Variants in CYB561D2 observed in about 807,000 individuals in gnomAD.
CYB561D2 encodes transmembrane reductase CYB561D2.
Under a neutral mutation model 20.2 loss-of-function variants are expected in CYB561D2, and 16 were observed. That is an observed-to-expected ratio of 0.79 (90% confidence interval 0.53 to 1.20). CYB561D2 has a LOEUF of 1.20. CYB561D2 is among the 50% of genes most tolerant of loss of function. CYB561D2 has a pLI of 0.00. For missense variants in CYB561D2, 247 were observed against 270.3 expected, an observed-to-expected ratio of 0.91 and a Z score of 0.60; for synonymous variants, 135 against 128.3, an observed-to-expected ratio of 1.05 and a Z score of -0.35.
At chr3:50,352,855 G>C (rs182720122) in intron 3 of CYB561D2, among the ~76,000 whole-genome samples, 1 of 152,254 alleles carries the variant, frequency 6.6e-6, no homozygotes, top group African/African-American at 2.4e-5. Flanking sequence ...TTAATTTCTG[G>C]TGATGCACCT....
chr3:50,351,393 G>T lies in CYB561D2; in HGVS notation c.-25-16G>T. On this transcript the variant is annotated splice_polypyrimidine_tract_variant and intron_variant, in intron 1 of 3. Coordinates refer to ENST00000425346, the MANE Select transcript of CYB561D2 (RefSeq NM_001291284.2). ...GTGGGCACCTGAGATCCTGGCCCAC[G>T]CTACTATGCTTTCAGGCTACAACCA... The T allele has an allele frequency of 6.3e-7, 1 of 1,598,868 alleles. No homozygotes were observed. The highest frequency in any genetic ancestry group is 8.6e-7 in the Non-Finnish European group (1 of 1,169,424).
intron 3 of CYB561D2, among the ~76,000 whole-genome samples, chr3:50,352,954 C>A (rs1703806500): frequency 6.6e-6 from 1 of 152,328 alleles, no homozygotes; most frequent in Middle Eastern, 3.4e-3. Context: ...GCTTGTGAAT[C>A]ATTTATAACT....
chr3:50,352,108 C>T, intron 3 of CYB561D2, 62 bp downstream of exon 3: 1 of 1,571,124 alleles, frequency 6.4e-7, no homozygotes, highest in Non-Finnish European at 8.8e-7. Flanking sequence ...GTGGCCCTGG[C>T]AGCCTCTGAA....
In CYB561D2 at chr3:50,353,310, C is replaced by G; in HGVS notation, c.235C>G (p.Arg79Gly). Residue 79 changes from arginine (R) to glycine (G), a missense_variant, in exon 4 of 4, where the codon CGG becomes GGG. Physicochemically the swap from Arg to Gly is moderately radical, Grantham distance 125. Coordinates refer to ENST00000425346, the MANE Select transcript of CYB561D2 (RefSeq NM_001291284.2). ...GAGTTCGCTGCTGCACTCCCTCTCA[C>G]GGAAAGGCCGAGCACGCTGCCACTG... The part of the protein sequence containing the change: ...PESSLLHSLS[R>G]KGRARCHWVL... 1 of 1,605,046 alleles carries G rather than the reference C, an allele frequency of 6.2e-7. No homozygotes were observed. Among genetic ancestry groups the G allele is most frequent in the South Asian group, 1.1e-5 (1 of 90,752 alleles).
chr3:50,351,703 T>C (rs1703768362), intron 2 of CYB561D2, 143 bp downstream of exon 2: 9 of 1,241,064 alleles, frequency 7.3e-6, no homozygotes, highest in South Asian at 6.0e-5. Flanking sequence ...CAGGTAGGTA[T>C]GGCCAGGGCA....
intron 1 of CYB561D2, 94 bp downstream of exon 1, chr3:50,351,078 A>G (rs1575564601): frequency 2.1e-6 from 1 of 465,226 alleles, no homozygotes; most frequent in East Asian, 4.8e-5. Context: ...GCAGCAGGGA[A>G]CTACAATTTC....
rs376667826 is a variant in CYB561D2 at position 50,353,359 on chromosome 3, T to C, written c.284T>C (p.Leu95Pro). The change falls in exon 4 of 4, where the codon CTG (leucine) becomes CCG (proline). Residue 95 changes from leucine (L) to proline (P), a missense_variant. Transcript: ENST00000425346. Reference sequence around the variant, plus strand: ...TGGGTGCTGCAGCTGCTGGCCCTGCTGTGTGCACTGCTGGGCCTCGGCCTT... The same window carrying C: ...TGGGTGCTGCAGCTGCTGGCCCTGCCGTGTGCACTGCTGGGCCTCGGCCTT... ...CHWVLQLLAL[L>P]CALLGLGLVI... The C allele has an allele frequency of 1.5e-5, 25 of 1,613,472 alleles. No individual in the cohort carries two copies. The African/African-American group carries it at 1.6e-4, about 10-fold the overall frequency.
chr3:50,353,068 C>T (rs1466529065), intron 3 of CYB561D2, among the ~76,000 whole-genome samples, 173 bp from the exon 4 acceptor site: 1 of 152,172 alleles, frequency 6.6e-6, no homozygotes, highest in Non-Finnish European at 1.5e-5. Context: ...CATATATCAT[C>T]CCAGATGGGG....
At position 50,353,956 on chromosome 3, in the gene CYB561D2, C is replaced by G. The variant is rs1431768586; in HGVS notation, c.*212C>G. ...TGTCATCCCAGAGGAACATAGGCAT[C>G]ATGTGTCTGGATGAAGCTGGGGCTG... is the stretch of plus-strand genomic sequence containing the variant. On this transcript the variant is annotated 3_prime_UTR_variant, in exon 4 of 4. Transcript: ENST00000425346. The G allele has an allele frequency of 5.2e-6, 3 of 579,432 alleles. No individual in the cohort carries two copies. Among genetic ancestry groups the G allele is most frequent in the Non-Finnish European group, 9.0e-6 (3 of 334,400 alleles). 35.9% of individuals were successfully genotyped at this position (579,432 alleles called of 1,614,324 possible).
intron 2 of CYB561D2, among the ~76,000 whole-genome samples, chr3:50,351,780 G>A (rs180977103): frequency 2.5e-4 from 38 of 152,356 alleles, no homozygotes; most frequent in African/African-American, 9.1e-4. Flanking sequence ...GGAGGTGTAA[G>A]GGAAGGAGGG....
At chr3:50,351,965 T>A (rs771708334) in intron 2 of CYB561D2, 44 bp from the exon 3 acceptor site, 2 of 1,611,868 alleles carry the variant, frequency 1.2e-6, no homozygotes. Context: ...TATGGCTGGT[T>A]TCTTCTTGCC....
chr3:50,352,251 G>A (rs1703784124), intron 3 of CYB561D2, among the ~76,000 whole-genome samples: 1 of 152,008 alleles, frequency 6.6e-6, no homozygotes. Flanking sequence ...GGCCGAGGCG[G>A]GCACATCACC....
chr3:50,351,566 T>G lies in CYB561D2; in HGVS notation c.127+6T>G. The G allele has an allele frequency of 6.2e-7, 1 of 1,610,782 alleles. No homozygotes were observed. The highest frequency in any genetic ancestry group is 8.5e-7 in the Non-Finnish European group (1 of 1,178,154). On this transcript the variant is annotated splice_donor_region_variant and intron_variant, in intron 2 of 3. Coordinates refer to ENST00000425346, the MANE Select transcript of CYB561D2 (RefSeq NM_001291284.2). ...GCTTGCCAGGCCTGGCTCCAGTAAGTAGAATTCATAGCTGACTTCTGGGAA... is the reference window on the plus strand; with the variant it reads ...GCTTGCCAGGCCTGGCTCCAGTAAGGAGAATTCATAGCTGACTTCTGGGAA...
rs762536149 is a variant in CYB561D2 at position 50,352,015 on chromosome 3, TCTC to T, written c.137_139del (p.Ser46del). On this transcript the variant is annotated inframe_deletion, in exon 3 of 4. Coordinates refer to ENST00000425346, the MANE Select transcript of CYB561D2 (RefSeq NM_001291284.2). ...CCTCCTCTTCTCATTCCAGGCCTGT[TCTC>T]CTGGCACCCGGTGCTTATGTCTTTG... 6.2e-7 allele frequency: 1 copy of T among 1,613,946 alleles called. No homozygotes were observed. The highest frequency in any genetic ancestry group is 8.5e-7 in the Non-Finnish European group (1 of 1,179,942).
chr3:50,351,676 C>G, intron 2 of CYB561D2, 116 bp downstream of exon 2: 1 of 1,427,226 alleles, frequency 7.0e-7, no homozygotes, highest in South Asian at 1.3e-5. Context: ...TGTGCTGGAG[C>G]GATGAGTGAG....
intron 3 of CYB561D2, 122 bp from the exon 4 acceptor site, chr3:50,353,119 G>C: frequency 2.9e-6 from 4 of 1,381,716 alleles, no homozygotes; most frequent in Non-Finnish European, 3.9e-6. Flanking sequence ...TCTTGTCAGT[G>C]GGGAGAGAAA....
rs587625017 is a variant in CYB561D2 at position 50,353,478 on chromosome 3, T to C, written c.403T>C (p.Cys135Arg). Reference sequence around the variant, plus strand: ...GGCTGTGCTGTGGGCAGGGCTGCAGTGCTCAGGTGGGGTGGGGCTGCTCTA... The same window carrying C: ...GGCTGTGCTGTGGGCAGGGCTGCAGCGCTCAGGTGGGGTGGGGCTGCTCTA... The part of the protein sequence containing the change: ...LLAVLWAGLQ[C>R]SGGVGLLYPK... Residue 135 changes from cysteine to arginine, a missense_variant, in exon 4 of 4, where the codon TGC (cysteine) becomes CGC (arginine). By Grantham distance (180) the Cys-to-Arg change is radical. Transcript: ENST00000425346. 1 of 1,613,028 alleles carries C rather than the reference T, an allele frequency of 6.2e-7. No homozygotes were observed. The highest frequency in any genetic ancestry group is 2.2e-5 in the East Asian group (1 of 44,878).
intron 3 of CYB561D2, 142 bp downstream of exon 3, chr3:50,352,188 T>G: frequency 9.3e-7 from 1 of 1,072,662 alleles, no homozygotes. Flanking sequence ...TGGTATATAT[T>G]TCAGACTTGA....
In CYB561D2 at chr3:50,353,485, G is replaced by A; in HGVS notation, c.410G>A (p.Gly137Asp). Residue 137 changes from glycine to aspartate, a missense_variant, in exon 4 of 4, where the codon GGT becomes GAT. Gly to Asp is a moderately conservative substitution (Grantham distance 94). Transcript: ENST00000425346. ...AVLWAGLQCSGGVGLLYPKLL... is the reference protein window; with the variant it reads ...AVLWAGLQCSDGVGLLYPKLL... ...CTGTGGGCAGGGCTGCAGTGCTCAGGTGGGGTGGGGCTGCTCTACCCCAAG... is the reference window on the plus strand; with the variant it reads ...CTGTGGGCAGGGCTGCAGTGCTCAGATGGGGTGGGGCTGCTCTACCCCAAG... 1 of 1,613,150 alleles carries A rather than the reference G, an allele frequency of 6.2e-7. No individual in the cohort carries two copies. The highest frequency in any genetic ancestry group is 8.5e-7 in the Non-Finnish European group (1 of 1,179,976).
Sources: allele counts gnomAD v4.1 joint callset (sites outside exome capture counted in the v4.1 genomes callset), GRCh38; gene constraint gnomAD v4.1.1; transcripts MANE v1.5; gene names NCBI Gene and HGNC (gene_info 2026-07-23, HGNC 2026-07-21).